XKR9: variants seen among roughly 807,000 people sequenced by gnomAD.
XKR9 encodes the protein XK-related protein 9.
XKR9 carries 32 observed loss-of-function variants against 32.0 expected under a neutral mutation model. The observed-to-expected ratio is 1.00, with a 90% confidence interval of 0.76 to 1.34. The LOEUF (loss-of-function observed/expected upper bound fraction) is 1.34, where lower values mean the gene tolerates loss of function less well. Among genes scored for constraint, XKR9 ranks in the 40% most tolerant of loss-of-function variants. The pLI is 0.00. For missense variants in XKR9, 546 were observed against 429.7 expected (o/e 1.27, Z -2.39); for synonymous variants, 168 against 143.4 (o/e 1.17, Z -1.22).
chr8:70,689,610 A>G (rs1481842312), intron 3 of XKR9, among the ~76,000 whole-genome samples: 1 of 151,784 alleles, frequency 6.6e-6, no homozygotes, highest in Non-Finnish European at 1.5e-5. Context: ...ATTGTTTGTA[A>G]TAGAAAAATA....
chr8:71,020,139 A>C, the XKR9 span, among the ~76,000 whole-genome samples: 18 of 152,212 alleles, frequency 1.2e-4, no homozygotes, highest in African/African-American at 4.1e-4. Flanking sequence ...AAATGGAATA[A>C]TCAGTAGTTC....
the XKR9 span, among the ~76,000 whole-genome samples, chr8:70,804,762 T>C: frequency 1.3e-5 from 2 of 152,236 alleles, no homozygotes; most frequent in Non-Finnish European, 2.9e-5. Context: ...GGTAGTCAAA[T>C]AATATGAATG....
At chr8:71,004,510 G>A in the XKR9 span, among the ~76,000 whole-genome samples, 63,966 of 152,094 alleles carry the variant, frequency 0.42, 14,541 homozygotes, top group Non-Finnish European at 0.52. Context: ...AAGGCTTACA[G>A]TTTAATTGGG....
At chr8:70,738,986 C>T (rs1806914320), downstream of XKR9, among the ~76,000 whole-genome samples, 2 of 152,226 alleles carry the variant, frequency 1.3e-5, no homozygotes, top group South Asian at 4.2e-4. Flanking sequence ...TCTATTAGGT[C>T]CGCTTGGTGC....
chr8:70,717,581 A>G (rs1290320568), intron 4 of XKR9, among the ~76,000 whole-genome samples: 1 of 152,140 alleles, frequency 6.6e-6, no homozygotes, highest in Non-Finnish European at 1.5e-5. Flanking sequence ...GCAGGGAACC[A>G]TGTCCTGAGG....
downstream of XKR9, among the ~76,000 whole-genome samples, chr8:70,791,166 C>T (rs114847019): frequency 6.5e-3 from 994 of 152,038 alleles, 11 homozygotes; most frequent in African/African-American, 0.022. Context: ...TGAATACTTC[C>T]GCACTTCTGA....
At chr8:70,714,142 G>A (rs1182516519) in intron 4 of XKR9, among the ~76,000 whole-genome samples, 2 of 151,980 alleles carry the variant, frequency 1.3e-5, no homozygotes, top group African/African-American at 4.8e-5. Flanking sequence ...TCTTTTTACA[G>A]TGACACTAGT....
chr8:70,711,362 A>T (rs971313895), intron 4 of XKR9, among the ~76,000 whole-genome samples: 15 of 152,218 alleles, frequency 9.9e-5, no homozygotes, highest in Non-Finnish European at 1.6e-4. Context: ...TAGCAAAGAC[A>T]TGGAATCAAC....
At chr8:70,815,828 A>G in the XKR9 span, among the ~76,000 whole-genome samples, 66 of 152,144 alleles carry the variant, frequency 4.3e-4, no homozygotes, top group Middle Eastern at 3.4e-3. Flanking sequence ...CCCGGCCCTC[A>G]TTCTTTTTTA....
At chr8:70,731,123 C>G (rs1289521285) in intron 4 of XKR9, among the ~76,000 whole-genome samples, 1 of 152,156 alleles carries the variant, frequency 6.6e-6, no homozygotes, top group Admixed American at 6.5e-5. Context: ...ATACCTATTA[C>G]AGAATGACAC....
chr8:70,693,149 T>C (rs1216706093), intron 3 of XKR9, among the ~76,000 whole-genome samples: 2 of 152,224 alleles, frequency 1.3e-5, no homozygotes, highest in Non-Finnish European at 2.9e-5. Context: ...AGTTCTTGTA[T>C]TGGCTATTTC....
At chr8:70,739,353 A>G (rs549278198), downstream of XKR9, among the ~76,000 whole-genome samples, 21 of 152,212 alleles carry the variant, frequency 1.4e-4, no homozygotes, top group South Asian at 4.2e-3. Flanking sequence ...TTTTGAGCCT[A>G]TGTGTGTCTC....
At chr8:70,691,458 T>C (rs935319834) in intron 3 of XKR9, among the ~76,000 whole-genome samples, 3 of 152,208 alleles carry the variant, frequency 2.0e-5, no homozygotes, top group Non-Finnish European at 4.4e-5. Context: ...GCAACTGCTT[T>C]TGGTGTCTTC....
the XKR9 span, among the ~76,000 whole-genome samples, chr8:70,884,739 G>A: frequency 3.9e-5 from 6 of 151,990 alleles, no homozygotes; most frequent in East Asian, 1.9e-4. Context: ...TGTTCCATTC[G>A]TGTCTCTATT....
chr8:70,753,093 A>G (rs1389024808), intron 2 of XKR9, among the ~76,000 whole-genome samples: 3 of 152,250 alleles, frequency 2.0e-5, no homozygotes, highest in Non-Finnish European at 4.4e-5. Context: ...ATCACCACCG[A>G]TCCCACAGAA....
At chr8:70,999,040 A>T in the XKR9 span, among the ~76,000 whole-genome samples, 1 of 152,040 alleles carries the variant, frequency 6.6e-6, no homozygotes, top group Non-Finnish European at 1.5e-5. Flanking sequence ...ACTGTAGTAT[A>T]AATCTGTTGG....
At chr8:70,959,374 A>G in the XKR9 span, among the ~76,000 whole-genome samples, 1 of 152,204 alleles carries the variant, frequency 6.6e-6, no homozygotes, top group Non-Finnish European at 1.5e-5. Context: ...AGCTTGTTCT[A>G]AAAATAGATC....
At chr8:70,878,926 G>A in the XKR9 span, among the ~76,000 whole-genome samples, 1 of 152,090 alleles carries the variant, frequency 6.6e-6, no homozygotes, top group Non-Finnish European at 1.5e-5. Flanking sequence ...CTCAGCAAAT[G>A]TAAAAGAACA....
At chr8:70,855,743 C>T in the XKR9 span, among the ~76,000 whole-genome samples, 1 of 152,202 alleles carries the variant, frequency 6.6e-6, no homozygotes, top group Admixed American at 6.5e-5. Flanking sequence ...TTGGGTTACC[C>T]ACAAAGGGAA....
Sources: gnomAD v4.1 joint callset for allele counts (sites outside exome capture counted in the v4.1 genomes callset) on GRCh38, gnomAD v4.1.1 for gene constraint, MANE v1.5 for transcripts, NCBI Gene and HGNC (gene_info 2026-07-23, HGNC 2026-07-21) for gene names.